Variants in ATP6V1C2 observed in about 807,000 individuals in gnomAD.
The protein encoded by ATP6V1C2 is ATPase H+ transporting V1 subunit C2.
ATP6V1C2 carries 45 observed loss-of-function variants against 56.8 expected under a neutral mutation model. The ratio of observed to expected loss-of-function variants is 0.79; its 90% CI spans 0.62 to 1.02. ATP6V1C2 has a LOEUF of 1.02. Ranked by LOEUF, ATP6V1C2 falls within the 50% of genes least tolerant of loss-of-function variation. The pLI, the probability that ATP6V1C2 is intolerant of heterozygous loss-of-function variation, is 0.00. For synonymous variants in ATP6V1C2, 220 were observed against 201.3 expected (o/e 1.09, Z -0.79); for missense variants, 463 against 519.7 (o/e 0.89, Z 1.06).
chr2:10,736,027 A>G (rs1662225334), intron 3 of ATP6V1C2, among the ~76,000 whole-genome samples: 1 of 152,186 alleles, frequency 6.6e-6, no homozygotes, highest in East Asian at 1.9e-4. Flanking sequence ...AAGGCTGAAC[A>G]CGTTAACTCA....
At chr2:10,765,189 C>G (rs1212395302) in intron 5 of ATP6V1C2, among the ~76,000 whole-genome samples, 1 of 152,124 alleles carries the variant, frequency 6.6e-6, no homozygotes, top group African/African-American at 2.4e-5. Context: ...CCTGACAGTC[C>G]TCTGTCCTGT....
chr2:10,757,741 T>C (rs1558407735), intron 4 of ATP6V1C2, among the ~76,000 whole-genome samples: 1 of 152,222 alleles, frequency 6.6e-6, no homozygotes, highest in Admixed American at 6.5e-5. Flanking sequence ...TCCTGTCTCT[T>C]TCTGCATGTG....
chr2:10,767,159 C>CTTTTTTTTTTTTTTTTT (rs33943682), intron 5 of ATP6V1C2, among the ~76,000 whole-genome samples: 1 of 109,330 alleles, frequency 9.1e-6, no homozygotes, highest in Non-Finnish European at 1.7e-5. Context: ...CATTTTTTAT[C>CTTTTTTTTTTTTTTTTT]TTTTTTTTTT....
At chr2:10,757,488 T>G in intron 4 of ATP6V1C2, 1 of 398,660 alleles carries the variant, frequency 2.5e-6, no homozygotes, top group East Asian at 3.6e-5. Context: ...GTGTCTGTGC[T>G]TGGCGTGATG....
At chr2:10,771,769 GGT>G (rs2148498097) in intron 6 of ATP6V1C2, 68 bp from the exon 7 acceptor site, 1 of 1,234,584 alleles carries the variant, frequency 8.1e-7, no homozygotes, top group Admixed American at 1.7e-5. Flanking sequence ...CCCGGGTGTG[GGT>G]GTGTGTGGGG....
rs760808282 is a variant in ATP6V1C2, at chr2:10,783,300, G to T, written c.*37G>T. ...GGCACCTCTGTCTCATGTTCGTGCAGATTATTACAGACACCTCTTTCCTTT... is the reference window on the plus strand; with the variant it reads ...GGCACCTCTGTCTCATGTTCGTGCATATTATTACAGACACCTCTTTCCTTT... On this transcript the variant is annotated 3_prime_UTR_variant, in exon 14 of 14. Transcript: ENST00000272238. The T allele has an allele frequency of 7.4e-7, 1 of 1,358,070 alleles. No homozygotes were observed. The highest frequency in any genetic ancestry group is 1.1e-6 in the Non-Finnish European group (1 of 948,108). The allele number at this position is 1,358,070 out of a possible 1,614,324, so 84.1% of individuals were successfully genotyped here.
chr2:10,753,771 C>T (rs758458539), intron 3 of ATP6V1C2, among the ~76,000 whole-genome samples: 18 of 151,926 alleles, frequency 1.2e-4, no homozygotes, highest in Admixed American at 3.9e-4. Context: ...CCTAGTGATC[C>T]GCCTGCCTTG....
intron 5 of ATP6V1C2, chr2:10,767,811 TATTTTATCTTTAAAATTATTTTATG>T (rs754593950): frequency 1.9e-4 from 29 of 151,536 alleles, no homozygotes; most frequent in Non-Finnish European, 4.1e-4. Flanking sequence ...TAATTATATT[TATTTTATCTTTAAAATTATTTTATG>T]ATTTTATCTT....
At position 10,784,504 on chromosome 2, in the gene ATP6V1C2, A is replaced by C. The variant is rs1354677020; in HGVS notation, c.*1241A>C. On this transcript the variant is annotated 3_prime_UTR_variant, in exon 14 of 14. Coordinates refer to ENST00000272238, the MANE Select transcript of ATP6V1C2 (RefSeq NM_001039362.2). ...TGATTATACGGATGGAAAAGCTCAGAACTCAGGTGAAACATTTCAACATCA... is the reference window on the plus strand; with the variant it reads ...TGATTATACGGATGGAAAAGCTCAGCACTCAGGTGAAACATTTCAACATCA... 7.2e-6 allele frequency: 4 copies of C among 554,604 alleles called. No individual in the cohort carries two copies. The highest frequency in any genetic ancestry group is 1.9e-5 in the African/African-American group (1 of 53,008). The allele number at this position is 554,604 out of a possible 1,614,324, so 34.4% of individuals were successfully genotyped here. A position where few individuals can be genotyped will look rare whatever the true frequency, so the allele number is the denominator to read the frequency against.
At chr2:10,774,641 G>C (rs1341299229) in intron 8 of ATP6V1C2, 147 bp from the exon 9 acceptor site, 4 of 720,690 alleles carry the variant, frequency 5.6e-6, no homozygotes, top group African/African-American at 1.8e-5. Context: ...CCAGGAGTTA[G>C]GAAATCTCAG....
chr2:10,767,454 C>T (rs1161125292), intron 5 of ATP6V1C2, among the ~76,000 whole-genome samples: 2 of 151,152 alleles, frequency 1.3e-5, no homozygotes, highest in Non-Finnish European at 2.9e-5. Flanking sequence ...TGTGCCTGGC[C>T]CATTTTATTA....
At chr2:10,721,361 C>A (rs1358131536), upstream of ATP6V1C2, among the ~76,000 whole-genome samples, 1 of 152,128 alleles carries the variant, frequency 6.6e-6, no homozygotes, top group Non-Finnish European at 1.5e-5. Context: ...GCCGTCCACG[C>A]GTCCCGGACG....
intron 3 of ATP6V1C2, among the ~76,000 whole-genome samples, chr2:10,750,675 G>C (rs1024617962): frequency 1.3e-5 from 2 of 152,236 alleles, no homozygotes; most frequent in Non-Finnish European, 2.9e-5. Flanking sequence ...TCATTCGGCA[G>C]ACATTGCTGA....
chr2:10,779,447 GTATATATA>G (rs112760326), intron 12 of ATP6V1C2, among the ~76,000 whole-genome samples: 1 of 140,534 alleles, frequency 7.1e-6, no homozygotes, highest in African/African-American at 2.6e-5. Context: ...ATATATGTAT[GTATATATA>G]TATATATATG....
At chr2:10,759,845 G>T (rs919365173) in intron 4 of ATP6V1C2, among the ~76,000 whole-genome samples, 2 of 152,172 alleles carry the variant, frequency 1.3e-5, no homozygotes, top group African/African-American at 2.4e-5. Context: ...GCTCAGAGAG[G>T]TCAAGGAGCT....
rs769290894 is a variant in ATP6V1C2 at position 10,780,692 on chromosome 2, G to A, written c.1062-1551G>A. On this transcript the variant is annotated intron_variant, in intron 12 of 13. Transcript: ENST00000272238. The surrounding 1 kb of genome is among the most constrained non-coding windows in gnomAD (Gnocchi z 4.1). ...AGTGAAGCCTGTCCATGCCTTCCAGGATGCGCATCTGCCCAAGAAAGAGGT... is the reference window on the plus strand; with the variant it reads ...AGTGAAGCCTGTCCATGCCTTCCAGAATGCGCATCTGCCCAAGAAAGAGGT... Among the ~76,000 whole-genome samples the A allele has an allele frequency of 6.6e-6, 1 of 151,696 alleles. No individual in the cohort carries two copies. Among genetic ancestry groups the A allele is most frequent in the Non-Finnish European group, 1.5e-5 (1 of 67,976 alleles).
At chr2:10,759,806 A>G (rs1443245506) in intron 4 of ATP6V1C2, among the ~76,000 whole-genome samples, 1 of 151,772 alleles carries the variant, frequency 6.6e-6, no homozygotes, top group Non-Finnish European at 1.5e-5. Context: ...GTCAAAGGAG[A>G]CTCCTCTATT....
rs556998473 is a variant in ATP6V1C2, at chr2:10,783,314, C to A, written c.*51C>A. On this transcript the variant is annotated 3_prime_UTR_variant, in exon 14 of 14. Transcript: ENST00000272238. ...ATGTTCGTGCAGATTATTACAGACA[C>A]CTCTTTCCTTTAGCCAGAGAATGGT... 3.5e-5 allele frequency: 43 copies of A among 1,240,936 alleles called. No homozygotes were observed. The Admixed American group carries it at 7.4e-4, about 21-fold the overall frequency. 76.9% of individuals were successfully genotyped at this position (1,240,936 alleles called of 1,614,324 possible).
Position 10,784,346 on chromosome 2 carries a change from C to T in ATP6V1C2, c.*1083C>T. The stretch of plus-strand genomic sequence containing the variant: ...GGGAAGCTGGGAGACGACAGAAAGC[C>T]ACTGTTAGATCTGCAGAAGGGGACA... On this transcript the variant is annotated 3_prime_UTR_variant, in exon 14 of 14. Transcript: ENST00000272238. The T allele has an allele frequency of 6.2e-7, 1 of 1,607,404 alleles. No homozygotes were observed. The highest frequency in any genetic ancestry group is 8.5e-7 in the Non-Finnish European group (1 of 1,175,860).
Sources: gnomAD v4.1 joint callset for allele counts (sites outside exome capture counted in the v4.1 genomes callset) on GRCh38, gnomAD v4.1.1 for gene constraint, Gnocchi (gnomAD v3.1) non-coding constraint, MANE v1.5 for transcripts, NCBI Gene and HGNC (gene_info 2026-07-23, HGNC 2026-07-21) for gene names.